Variants in NUTM1 observed in about 807,000 individuals in gnomAD.
The protein encoded by NUTM1 is NUT family member 1.
NUTM1 carries 39 observed loss-of-function variants against 88.7 expected under a neutral mutation model. The ratio of observed to expected loss-of-function variants is 0.44; its 90% CI spans 0.34 to 0.57. NUTM1 has a LOEUF of 0.57. Among genes scored for constraint, NUTM1 ranks in the 20% least tolerant of loss-of-function variants. The pLI, the probability that NUTM1 is intolerant of heterozygous loss-of-function variation, is 0.01. For synonymous variants in NUTM1, 494 were observed against 538.0 expected (o/e 0.92, Z 1.13); for missense variants, 1,350 against 1,414.5 (o/e 0.95, Z 0.73).
rs1197699849 is a variant in NUTM1 at position 34,345,953 on chromosome 15, T to C, written c.18T>C (p.Gly6=). 1 of 1,614,086 alleles carries C rather than the reference T, an allele frequency of 6.2e-7. No homozygotes were observed. Among genetic ancestry groups the C allele is most frequent in the Admixed American group, 1.7e-5 (1 of 60,008 alleles). The stretch of plus-strand genomic sequence containing the variant: ...CCTACTGGAGCCAGGTTACTCTGGG[T>C]CCTGGACCTGACTGCCTCATTCTGG... The part of the protein sequence containing the change: MVVTL[G]PGPDCLILEA... Residue 6 remains glycine (G), a synonymous_variant, in exon 2 of 8, where the codon GGT becomes GGC. Transcript: ENST00000537011.
chr15:34,344,262 C>T (rs1040234229), intron 1 of NUTM1, among the ~76,000 whole-genome samples: 1 of 150,910 alleles, frequency 6.6e-6, no homozygotes, highest in African/African-American at 2.4e-5. Flanking sequence ...CCTGTAATCC[C>T]AGCACTTTGG....
At position 34,353,754 on chromosome 15, in the gene NUTM1, T is replaced by C. The variant is rs1389680174; in HGVS notation, c.957T>C (p.Ala319=). 3 of 1,614,022 alleles carry C rather than the reference T, an allele frequency of 1.9e-6. No individual in the cohort carries two copies. Among genetic ancestry groups the C allele is most frequent in the Non-Finnish European group, 2.5e-6 (3 of 1,180,028 alleles). ...TCTGCAGGTTCATGGAGTTTGAGGCTGAGGAGATGCAGATTCAGAACACAC... is the reference window on the plus strand; with the variant it reads ...TCTGCAGGTTCATGGAGTTTGAGGCCGAGGAGATGCAGATTCAGAACACAC... The part of the protein sequence containing the change: ...EMAERFMEFE[A]EEMQIQNTQL... The change falls in exon 5 of 8, where the codon GCT becomes GCC. Residue 319 remains alanine (A), a synonymous_variant. Transcript: ENST00000537011.
chr15:34,348,587 A>C lies in NUTM1; in HGVS notation c.719A>C (p.Glu240Ala), dbSNP rs766153396. The change falls in exon 3 of 8, where the codon GAG (glutamate) becomes GCG (alanine). Residue 240 changes from glutamate to alanine, a missense_variant. Physicochemically the swap from Glu to Ala is moderately radical, Grantham distance 107. This residue lies in a region of NUTM1 where 399 missense variants were observed against 397.9 expected (regional missense o/e 1.00). Coordinates refer to ENST00000537011, the MANE Select transcript of NUTM1 (RefSeq NM_001284292.2). ...TCCAAAATTTCCAAGGACGTTTATG[A>C]GAACTTCCGTCAGTGGCAGCGTTAC... ...DRSKISKDVYENFRQWQRYKA... is the reference protein window; with the variant it reads ...DRSKISKDVYANFRQWQRYKA... 6 of 1,612,990 alleles carry C rather than the reference A, an allele frequency of 3.7e-6. No individual in the cohort carries two copies. In the African/African-American group the frequency reaches 6.7e-5, roughly 18 times the overall value.
At chr15:34,351,449 T>C (rs557341479) in intron 4 of NUTM1, among the ~76,000 whole-genome samples, 1 of 151,204 alleles carries the variant, frequency 6.6e-6, no homozygotes. Flanking sequence ...GGATGGCAGT[T>C]TCCTGGATCC....
At chr15:34,345,771 T>C in intron 1 of NUTM1, 171 bp from the exon 2 acceptor site, 1 of 878,680 alleles carries the variant, frequency 1.1e-6, no homozygotes, top group Non-Finnish European at 1.6e-6. Flanking sequence ...AGGGAATTCC[T>C]GGTTTTTTCA....
In NUTM1 at chr15:34,350,746, C is replaced by A. The variant is rs533043335; in HGVS notation, c.852C>A (p.Thr284=). 6.2e-7 allele frequency: 1 copy of A among 1,613,738 alleles called. No individual in the cohort carries two copies. The highest frequency in any genetic ancestry group is 1.1e-5 in the South Asian group (1 of 91,038). The stretch of plus-strand genomic sequence containing the variant: ...TGGCCCGGCTGAAGCCCACTATGAC[C>A]CTGGAGGAGGGACTGCCATTGGCTG... The part of the protein sequence containing the change: ...RSLARLKPTM[T]LEEGLPLAVQ... The change falls in exon 4 of 8, where the codon ACC becomes ACA. Residue 284 remains threonine (T), a synonymous_variant. Coordinates refer to ENST00000537011, the MANE Select transcript of NUTM1 (RefSeq NM_001284292.2).
intron 4 of NUTM1, among the ~76,000 whole-genome samples, chr15:34,351,415 G>A: frequency 6.6e-6 from 1 of 151,442 alleles, no homozygotes; most frequent in Non-Finnish European, 1.5e-5. Context: ...AGAAAAAAAG[G>A]GACGGGAGGA....
In NUTM1 at chr15:34,348,600, G is replaced by C. The variant is rs141683388; in HGVS notation, c.732G>C (p.Gln244His). ...ISKDVYENFR[Q>H]WQRYKALARR... ...AGGACGTTTATGAGAACTTCCGTCA[G>C]TGGCAGCGTTACAAAGCCTTGGCCC... The change falls in exon 3 of 8, where the codon CAG (glutamine) becomes CAC (histidine). Residue 244 changes from glutamine to histidine, a missense_variant. Gln to His is a conservative substitution (Grantham distance 24, BLOSUM62 0). This residue lies in a region of NUTM1 where 399 missense variants were observed against 397.9 expected (regional missense o/e 1.00). Transcript: ENST00000537011. 3.8e-5 allele frequency: 62 copies of C among 1,611,960 alleles called. No individual in the cohort carries two copies. The African/African-American group carries it at 7.9e-4, about 20-fold the overall frequency.
Position 34,356,367 on chromosome 15 carries a change from T to C in NUTM1, c.2359T>C (p.Cys787Arg). The change falls in exon 8 of 8, where the codon TGC becomes CGC. Residue 787 changes from cysteine (C) to arginine (R), a missense_variant. Around this residue, in one of 5 missense-constraint regions of NUTM1, gnomAD observed 730 missense variants for 728.8 expected, o/e 1.00. Transcript: ENST00000537011. ...GTGTGTAACTGAGTATCAGGAAGGC[T>C]GCCAGGGACTGGGCTCCAGGGGCAA... ...EKCVTEYQEGCQGLGSRGNIS... is the reference protein window; with the variant it reads ...EKCVTEYQEGRQGLGSRGNIS... The C allele has an allele frequency of 4.3e-6, 7 of 1,613,712 alleles. No homozygotes were observed. Among genetic ancestry groups the C allele is most frequent in the Non-Finnish European group, 4.2e-6 (5 of 1,179,892 alleles).
At chr15:34,347,929 T>G in intron 2 of NUTM1, 40 bp from the exon 3 acceptor site, 3 of 1,280,634 alleles carry the variant, frequency 2.3e-6, no homozygotes, top group Non-Finnish European at 3.3e-6. Flanking sequence ...CTGGTCTTCT[T>G]TTCTCCTACT....
chr15:34,354,689 G>A lies in NUTM1; in HGVS notation c.1319G>A (p.Ser440Asn). The change falls in exon 6 of 8, where the codon AGC (serine) becomes AAC (asparagine). Residue 440 changes from serine (S) to asparagine (N), a missense_variant. Coordinates refer to ENST00000537011, the MANE Select transcript of NUTM1 (RefSeq NM_001284292.2). ...ATGTATCCAGATCCAGGTCTCCTGA[G>A]CTACATCAATGAGCTGTGTTCTCAG... ...EGMYPDPGLL[S>N]YINELCSQKV... 6.2e-7 allele frequency: 1 copy of A among 1,614,206 alleles called. No individual in the cohort carries two copies. The highest frequency in any genetic ancestry group is 8.5e-7 in the Non-Finnish European group (1 of 1,180,026).
intron 1 of NUTM1, among the ~76,000 whole-genome samples, chr15:34,344,608 G>C (rs887736210): frequency 2.0e-5 from 3 of 152,162 alleles, no homozygotes; most frequent in African/African-American, 7.2e-5. Context: ...TTTCCTCTGG[G>C]ATAGAGAACT....
At position 34,350,775 on chromosome 15, in the gene NUTM1, A is replaced by C. The variant is rs1398990262; in HGVS notation, c.881A>C (p.Gln294Pro). 2 of 1,613,936 alleles carry C rather than the reference A, an allele frequency of 1.2e-6. No homozygotes were observed. Among genetic ancestry groups the C allele is most frequent in the African/African-American group, 2.7e-5 (2 of 74,936 alleles). ...GAGGAGGGACTGCCATTGGCTGTGC[A>C]GGAGTGGGAGCACACCAGCAACTTT... Reference protein sequence around the residue: ...TLEEGLPLAVQEWEHTSNFDR... With the variant: ...TLEEGLPLAVPEWEHTSNFDR... Residue 294 changes from glutamine to proline, a missense_variant, in exon 4 of 8, where the codon CAG (glutamine) becomes CCG (proline). Coordinates refer to ENST00000537011, the MANE Select transcript of NUTM1 (RefSeq NM_001284292.2).
At chr15:34,352,754 C>T (rs1014062817) in intron 4 of NUTM1, among the ~76,000 whole-genome samples, 4 of 150,174 alleles carry the variant, frequency 2.7e-5, no homozygotes, top group Non-Finnish European at 5.9e-5. Flanking sequence ...TGCAGTGAGC[C>T]GAGATTGGGC....
In NUTM1 at chr15:34,357,357, C is replaced by G; in HGVS notation, c.3349C>G (p.His1117Asp). Residue 1117 changes from histidine (H) to aspartate (D), a missense_variant, in exon 8 of 8, where the codon CAC becomes GAC. Physicochemically the swap from His to Asp is moderately conservative, Grantham distance 81 (BLOSUM62 -1). Around this residue, in one of 5 missense-constraint regions of NUTM1, gnomAD observed 730 missense variants for 728.8 expected, o/e 1.00. Transcript: ENST00000537011. ...GGPAPTEKTPHSGAQLGVPRE... is the reference protein window; with the variant it reads ...GGPAPTEKTPDSGAQLGVPRE... The stretch of plus-strand genomic sequence containing the variant: ...TCCAGCCCCTACTGAAAAGACACCC[C>G]ACTCAGGAGCTCAACTTGGGGTCCC... The G allele has an allele frequency of 6.2e-7, 1 of 1,614,210 alleles. No homozygotes were observed. Among genetic ancestry groups the G allele is most frequent in the African/African-American group, 1.3e-5 (1 of 75,064 alleles).
chr15:34,350,626 T>G, intron 3 of NUTM1, 78 bp from the exon 4 acceptor site: 1 of 1,516,774 alleles, frequency 6.6e-7, no homozygotes, highest in Non-Finnish European at 9.0e-7. Context: ...GGGCAGGGGA[T>G]GTGTTATTGA....
chr15:34,355,664 A>G lies in NUTM1; in HGVS notation c.1656A>G (p.Gly552=). 1 of 1,609,110 alleles carries G rather than the reference A, an allele frequency of 6.2e-7. No homozygotes were observed. ...GGGCTGGGGGCGCCGCTTGCCTTGGAAAGGTTTCTTCTTCAGGAAAACGGG... is the reference window on the plus strand; with the variant it reads ...GGGCTGGGGGCGCCGCTTGCCTTGGGAAGGTTTCTTCTTCAGGAAAACGGG... ...LQGAGGAACL[G]KVSSSGKRAR... The change falls in exon 8 of 8, where the codon GGA becomes GGG. Residue 552 remains glycine (G), a synonymous_variant. Coordinates refer to ENST00000537011, the MANE Select transcript of NUTM1 (RefSeq NM_001284292.2). The surrounding 1 kb of genome is among the most constrained non-coding windows in gnomAD (Gnocchi z 4.3).
Position 34,357,559 on chromosome 15 carries a change from C to T in NUTM1, c.*68C>T, listed in dbSNP as rs1163127944. ...GTGGGTGCCCCAGAGTAGATTCCAC[C>T]CCTGCTGCCCACCAATGGAGAATCC... On this transcript the variant is annotated 3_prime_UTR_variant, in exon 8 of 8. Transcript: ENST00000537011. 3.1e-6 allele frequency: 5 copies of T among 1,607,270 alleles called. No homozygotes were observed. The highest frequency in any genetic ancestry group is 4.2e-6 in the Non-Finnish European group (5 of 1,179,840).
chr15:34,347,313 A>G (rs982377932), intron 2 of NUTM1, among the ~76,000 whole-genome samples: 6 of 151,388 alleles, frequency 4.0e-5, no homozygotes, highest in African/African-American at 7.3e-5. Flanking sequence ...GCTGGAGCAC[A>G]GAGGCGCAAT....
Sources: gnomAD v4.1 joint callset for allele counts (sites outside exome capture counted in the v4.1 genomes callset) on GRCh38, gnomAD v4.1.1 for gene constraint, gnomAD v4.1.1 regional missense constraint, Gnocchi (gnomAD v3.1) non-coding constraint, MANE v1.5 for transcripts, NCBI Gene and HGNC (gene_info 2026-07-23, HGNC 2026-07-21) for gene names.